MORN1: variants seen among roughly 807,000 people sequenced by gnomAD.
MORN1 encodes the protein MORN repeat-containing protein 1.
A neutral mutation model predicts 61.9 loss-of-function variants in MORN1; 67 were observed. That is an observed-to-expected ratio of 1.08 (90% CI 0.89 to 1.33). The LOEUF (loss-of-function observed/expected upper bound fraction) is 1.33. Ranked by LOEUF, MORN1 falls within the 40% of genes most tolerant of loss-of-function variation. The pLI is 0.00. For missense variants in MORN1, 752 were observed against 691.2 expected (o/e 1.09, Z -0.99); for synonymous variants, 301 against 292.0 (o/e 1.03, Z -0.31).
intron 2 of MORN1, 32 bp from the exon 3 acceptor site, chr1:2,388,369 C>T (rs760049207): frequency 1.9e-6 from 3 of 1,574,474 alleles, no homozygotes; most frequent in Non-Finnish European, 2.6e-6. Flanking sequence ...TGAACTCAGA[C>T]AGTGGTTGGG....
chr1:2,325,589 CCTTCCA>C (rs1283860431), intron 12 of MORN1, among the ~76,000 whole-genome samples: 2 of 146,824 alleles, frequency 1.4e-5, no homozygotes, highest in East Asian at 4.1e-4. Flanking sequence ...TCAGGAGAAT[CCTTCCA>C]CCTCCGCCTC....
rs1025462530 is a variant in MORN1 at position 2,385,742 on chromosome 1, A to G, written c.449+65T>C. ...AGTCCTGTCTACACCCCCAGGCCACATGGCCTCACACCTGCCCTGTGTATC... is the reference window on the plus strand; with the variant it reads ...AGTCCTGTCTACACCCCCAGGCCACGTGGCCTCACACCTGCCCTGTGTATC... On this transcript the variant is annotated intron_variant, in intron 5 of 13. Transcript: ENST00000378531. 15 of 1,467,350 alleles carry G rather than the reference A, an allele frequency of 1.0e-5. No homozygotes were observed. The African/African-American group carries it at 1.9e-4, about 19-fold the overall frequency. 90.9% of individuals were successfully genotyped at this position (1,467,350 alleles called of 1,614,324 possible). A position where few individuals can be genotyped will look rare whatever the true frequency, so the allele number is the denominator to read the frequency against.
intron 6 of MORN1, among the ~76,000 whole-genome samples, chr1:2,383,123 C>T (rs1448009870): frequency 6.6e-6 from 1 of 152,206 alleles, no homozygotes; most frequent in African/African-American, 2.4e-5. Context: ...CTCTCAGTTC[C>T]CAGCACCCCC....
At chr1:2,386,232 G>A in intron 4 of MORN1, 1 of 324,526 alleles carries the variant, frequency 3.1e-6, no homozygotes, top group Non-Finnish European at 5.9e-6. Context: ...GGCTCTGCGT[G>A]CTGCTGGGGT....
rs567512637 is a variant in MORN1, at chr1:2,322,700, T to C, written c.1298-1121A>G. The C allele has an allele frequency of 9.9e-5, 98 of 985,430 alleles. No homozygotes were observed. The African/African-American group carries it at 1.3e-3, about 13-fold the overall frequency. 61.0% of individuals were successfully genotyped at this position (985,430 alleles called of 1,614,324 possible). ...CCCCACATGGCAACGCCACAGTGTT[T>C]CCAAGCAGCCCGGTTTCTAGGTGTT... On this transcript the variant is annotated intron_variant, in intron 13 of 13. Coordinates refer to ENST00000378531, the MANE Select transcript of MORN1 (RefSeq NM_024848.3).
intron 6 of MORN1, among the ~76,000 whole-genome samples, chr1:2,382,965 T>A (rs1642405986): frequency 6.6e-6 from 1 of 152,054 alleles, no homozygotes; most frequent in African/African-American, 2.4e-5. Context: ...ACACTGCACC[T>A]CCCGCCTGAC....
In MORN1 at chr1:2,365,776, G is replaced by A. The variant is rs541771270; in HGVS notation, c.745+6705C>T. Among the ~76,000 whole-genome samples, 12 of 152,266 alleles carry A rather than the reference G, an allele frequency of 7.9e-5. No homozygotes were observed. The South Asian group carries it at 2.5e-3, about 32-fold the overall frequency. ...GAAATGCAAATCAAAACCACAATGA[G>A]ATACCATCTCAAACCAGTTAGAATG... On this transcript the variant is annotated intron_variant, in intron 8 of 13. Transcript: ENST00000378531.
At chr1:2,358,145 C>T (rs1198200244) in intron 9 of MORN1, among the ~76,000 whole-genome samples, 3 of 152,292 alleles carry the variant, frequency 2.0e-5, no homozygotes, top group Middle Eastern at 3.4e-3. Flanking sequence ...CCTGGTCCAG[C>T]GTGTTCCTGG....
intron 8 of MORN1, among the ~76,000 whole-genome samples, chr1:2,361,883 G>A (rs189317616): frequency 2.0e-5 from 3 of 152,284 alleles, no homozygotes; most frequent in East Asian, 1.9e-4. Context: ...ATTAAACACT[G>A]TATTCTTATA....
intron 13 of MORN1, chr1:2,323,576 TGGA>T (rs1640931285): frequency 2.0e-6 from 2 of 985,160 alleles, no homozygotes; most frequent in Non-Finnish European, 1.2e-6. Context: ...GTGGGGCGAC[TGGA>T]GGAGGCCCCA....
chr1:2,331,218 G>C (rs1469557228), intron 12 of MORN1, among the ~76,000 whole-genome samples: 1 of 152,182 alleles, frequency 6.6e-6, no homozygotes, highest in African/African-American at 2.4e-5. Context: ...CAGATTCAGC[G>C]GCTGGCGCAG....
intron 12 of MORN1, among the ~76,000 whole-genome samples, chr1:2,329,221 TC>T (rs994933885): frequency 2.0e-5 from 3 of 152,114 alleles, no homozygotes; most frequent in Admixed American, 6.5e-5. Flanking sequence ...TCATTCCACA[TC>T]CCCGCTGAGC....
At chr1:2,371,451 T>C (rs913907180) in intron 8 of MORN1, 6 of 152,164 alleles carry the variant, frequency 3.9e-5, no homozygotes, top group African/African-American at 1.4e-4. Context: ...GTTAGGGAAA[T>C]GCGAATCAAA....
chr1:2,361,727 G>A (rs2250799), intron 8 of MORN1, among the ~76,000 whole-genome samples: 126,705 of 152,164 alleles, frequency 0.83, 53,131 homozygotes, highest in African/African-American at 0.93. Flanking sequence ...CTTGGCCAAC[G>A]TGGGGATGAG....
At position 2,323,729 on chromosome 1, in the gene MORN1, C is replaced by A. The variant is rs558990384; in HGVS notation, c.1297+368G>T. ...CCCTGCAGCCGGCCTTGCTGGGGAG[C>A]AGCTCCTCATGGTTCAGCCACTGTG... On this transcript the variant is annotated intron_variant, in intron 13 of 13. Coordinates refer to ENST00000378531, the MANE Select transcript of MORN1 (RefSeq NM_024848.3). 4 of 985,248 alleles carry A rather than the reference C, an allele frequency of 4.1e-6. No individual in the cohort carries two copies. In the African/African-American group the frequency reaches 7.0e-5, roughly 17 times the overall value. The allele number at this position is 985,248 out of a possible 1,614,324, so 61.0% of individuals were successfully genotyped here. A position where few individuals can be genotyped will look rare whatever the true frequency, so the allele number is the denominator to read the frequency against.
At chr1:2,360,313 C>G (rs530020064) in intron 8 of MORN1, among the ~76,000 whole-genome samples, 1 of 152,318 alleles carries the variant, frequency 6.6e-6, no homozygotes, top group East Asian at 1.9e-4. Context: ...GATGGAGTAA[C>G]TGGGATCGAT....
intron 8 of MORN1, among the ~76,000 whole-genome samples, chr1:2,367,068 T>C (rs1225994100): frequency 6.6e-6 from 1 of 152,016 alleles, no homozygotes; most frequent in Non-Finnish European, 1.5e-5. Context: ...ATTTATAAAA[T>C]ATTGTACACA....
intron 10 of MORN1, among the ~76,000 whole-genome samples, chr1:2,346,237 T>C (rs1641513515): frequency 6.6e-6 from 1 of 152,136 alleles, no homozygotes; most frequent in Non-Finnish European, 1.5e-5. Flanking sequence ...GCCTGAAAGC[T>C]TCACAGACGC....
At chr1:2,358,445 G>C in intron 9 of MORN1, 147 bp downstream of exon 9, 1 of 1,103,798 alleles carries the variant, frequency 9.1e-7, no homozygotes, top group South Asian at 1.5e-5. Flanking sequence ...CAAGGGAGCT[G>C]TTTCCTTAGA....
Sources: gnomAD v4.1 joint callset for allele counts (sites outside exome capture counted in the v4.1 genomes callset) on GRCh38, gnomAD v4.1.1 for gene constraint, MANE v1.5 for transcripts, NCBI Gene and HGNC (gene_info 2026-07-23, HGNC 2026-07-21) for gene names.